CSMD1: variants seen among roughly 807,000 people sequenced by gnomAD.
The protein encoded by CSMD1 is CUB and Sushi multiple domains 1.
In CSMD1, 213 loss-of-function variants were observed where a neutral mutation model predicts 417.5. That is an observed-to-expected ratio of 0.51 (90% confidence interval 0.46 to 0.57). The LOEUF (loss-of-function observed/expected upper bound fraction) is 0.57, where lower values mean the gene tolerates loss of function less well. CSMD1 is among the 20% of genes least tolerant of loss of function. The pLI is 0.00. For missense variants in CSMD1, 6,923 were observed against 4,529.7 expected (o/e 1.53, Z -15.17); for synonymous variants, 2,862 against 1,736.8 (o/e 1.65, Z -16.11).
At chr8:3,658,893 G>A (rs997250742) in intron 7 of CSMD1, among the ~76,000 whole-genome samples, 3 of 152,146 alleles carry the variant, frequency 2.0e-5, no homozygotes, top group Non-Finnish European at 2.9e-5. Context: ...CTTCTGTTTT[G>A]CCATTTCAAT....
At chr8:3,929,538 C>G (rs41330046) in intron 5 of CSMD1, among the ~76,000 whole-genome samples, 5,432 of 150,304 alleles carry the variant, frequency 0.036, 546 homozygotes, top group African/African-American at 0.12. Flanking sequence ...TTGGCAGGAA[C>G]TGGGTTGTCT....
At chr8:4,718,555 G>A (rs760112841) in intron 1 of CSMD1, among the ~76,000 whole-genome samples, 1 of 151,574 alleles carries the variant, frequency 6.6e-6, no homozygotes, top group Non-Finnish European at 1.5e-5. Context: ...TTTGAAAAAA[G>A]AAAGAAAAAA....
chr8:3,731,530 C>G (rs1413854438), intron 6 of CSMD1, among the ~76,000 whole-genome samples: 2 of 152,092 alleles, frequency 1.3e-5, no homozygotes, highest in Non-Finnish European at 2.9e-5. Context: ...CCCAGTGCAG[C>G]CAGTATGGCT....
chr8:3,211,939 A>G (rs1585669874), intron 30 of CSMD1, among the ~76,000 whole-genome samples: 1 of 152,108 alleles, frequency 6.6e-6, no homozygotes, highest in African/African-American at 2.4e-5. Context: ...GGTGTGGCCC[A>G]CCCTGGGCCA....
intron 23 of CSMD1, among the ~76,000 whole-genome samples, chr8:3,334,180 C>A (rs148342366): frequency 2.0e-5 from 3 of 152,158 alleles, no homozygotes; most frequent in Non-Finnish European, 2.9e-5. Context: ...TTCAAGGTAT[C>A]AGTCAATCCT....
At chr8:3,678,466 G>C (rs180823704) in intron 7 of CSMD1, among the ~76,000 whole-genome samples, 1 of 152,112 alleles carries the variant, frequency 6.6e-6, no homozygotes, top group African/African-American at 2.4e-5. Flanking sequence ...ATGAAATGAA[G>C]TAAGAAGAGA....
At chr8:4,986,221 G>C (rs1400594847) in intron 1 of CSMD1, among the ~76,000 whole-genome samples, 1 of 152,148 alleles carries the variant, frequency 6.6e-6, no homozygotes, top group Non-Finnish European at 1.5e-5. Flanking sequence ...AATTTACTCA[G>C]AGCGCCGCCA....
chr8:3,647,990 A>G (rs1797661504), intron 7 of CSMD1, among the ~76,000 whole-genome samples: 1 of 152,238 alleles, frequency 6.6e-6, no homozygotes, highest in African/African-American at 2.4e-5. Context: ...GGATTTTTCG[A>G]GGAGGCAGAA....
intron 1 of CSMD1, among the ~76,000 whole-genome samples, chr8:4,801,532 A>T (rs1798285736): frequency 6.6e-6 from 1 of 152,108 alleles, no homozygotes. Context: ...GCAGTTACTA[A>T]ATTAGAAACA....
chr8:3,134,429 C>T (rs540629976), intron 41 of CSMD1, among the ~76,000 whole-genome samples: 40 of 152,190 alleles, frequency 2.6e-4, no homozygotes, highest in Admixed American at 2.6e-3. Context: ...GAACGTTTGA[C>T]TCTCAGGGTT....
chr8:4,534,041 A>AT (rs571598791), intron 2 of CSMD1, among the ~76,000 whole-genome samples: 40 of 152,010 alleles, frequency 2.6e-4, no homozygotes, highest in South Asian at 1.0e-3. Flanking sequence ...CTTCCAATTT[A>AT]TAGATATTGT....
intron 25 of CSMD1, among the ~76,000 whole-genome samples, chr8:3,294,311 C>A (rs1267952804): frequency 1.3e-5 from 2 of 152,172 alleles, no homozygotes; most frequent in Non-Finnish European, 2.9e-5. Context: ...TCTGAGATCT[C>A]AAGCTGTGTG....
chr8:3,377,307 T>C (rs1563326355), intron 18 of CSMD1, among the ~76,000 whole-genome samples: 1 of 152,194 alleles, frequency 6.6e-6, no homozygotes, highest in East Asian at 1.9e-4. Flanking sequence ...CCACCATGCC[T>C]GGCTTATTAA....
intron 3 of CSMD1, among the ~76,000 whole-genome samples, chr8:4,062,547 A>G (rs141249015): frequency 1.9e-4 from 29 of 152,278 alleles, no homozygotes; most frequent in African/African-American, 6.7e-4. Flanking sequence ...ATTGACATGA[A>G]CAACATTTCG....
chr8:4,594,193 A>ATTTTTTTTT (rs1213486937), intron 2 of CSMD1, among the ~76,000 whole-genome samples: 73 of 88,066 alleles, frequency 8.3e-4, no homozygotes, highest in South Asian at 2.0e-3. Context: ...TTCTAAAGTG[A>ATTTTTTTTT]TCTTTTTTTT....
At chr8:4,302,704 C>A (rs1459682233) in intron 3 of CSMD1, among the ~76,000 whole-genome samples, 1 of 152,104 alleles carries the variant, frequency 6.6e-6, no homozygotes, top group Non-Finnish European at 1.5e-5. Flanking sequence ...GTGTATGTGC[C>A]GTGTTTTCAA....
intron 2 of CSMD1, among the ~76,000 whole-genome samples, chr8:4,621,802 T>C (rs1801792939): frequency 6.6e-6 from 1 of 151,988 alleles, no homozygotes; most frequent in Admixed American, 6.6e-5. Flanking sequence ...TCAAACCCAA[T>C]AATATATTTG....
At chr8:3,296,302 G>C (rs531769097) in intron 25 of CSMD1, among the ~76,000 whole-genome samples, 6 of 151,694 alleles carry the variant, frequency 4.0e-5, no homozygotes, top group Admixed American at 1.3e-4. Flanking sequence ...CCCCACGTAA[G>C]GGGCATACCG....
intron 4 of CSMD1, among the ~76,000 whole-genome samples, chr8:4,020,842 T>G (rs1157251788): frequency 6.6e-6 from 1 of 152,244 alleles, no homozygotes; most frequent in Non-Finnish European, 1.5e-5. Flanking sequence ...CACTCTTATC[T>G]TTTGCCTAAA....
Sources: allele counts gnomAD v4.1 joint callset (sites outside exome capture counted in the v4.1 genomes callset), GRCh38; gene constraint gnomAD v4.1.1; transcripts MANE v1.5; gene names NCBI Gene and HGNC (gene_info 2026-07-23, HGNC 2026-07-21).